Variants in BEND2 observed in about 807,000 individuals in gnomAD.
BEND2 encodes the protein BEN domain containing 2.
In BEND2, 19 loss-of-function variants were observed where a neutral mutation model predicts 43.8. The ratio of observed to expected loss-of-function variants is 0.43; its 90% CI spans 0.30 to 0.64. The LOEUF (loss-of-function observed/expected upper bound fraction) is 0.64, where lower values mean the gene tolerates loss of function less well. Among genes scored for constraint, BEND2 ranks in the 30% least tolerant of loss-of-function variants. The probability of loss-of-function intolerance (pLI) is 0.11; values close to 1 mark genes in which losing one functional copy is unlikely to be tolerated. For synonymous variants in BEND2, 226 were observed against 210.1 expected (o/e 1.08, Z -0.66); for missense variants, 544 against 574.0 (o/e 0.95, Z 0.53).
At chrX:18,213,001 G>A (rs1015335573) in intron 3 of BEND2, among the ~76,000 whole-genome samples, 2 of 111,344 alleles carry the variant, frequency 1.8e-5, no homozygotes, top group Non-Finnish European at 3.8e-5. Context: ...TTGTAAAGGA[G>A]CCCCCAAAAG....
At chrX:18,220,512 T>C (rs1925836629) in intron 1 of BEND2, among the ~76,000 whole-genome samples, 1 of 111,309 alleles carries the variant, frequency 9.0e-6, no homozygotes, top group Non-Finnish European at 1.9e-5. Context: ...ACCTGAACCC[T>C]GGGCCATCTC....
In BEND2 at chrX:18,176,069, G is replaced by T; in HGVS notation, c.1655C>A (p.Thr552Asn). 1 of 1,197,894 alleles carries T rather than the reference G, an allele frequency of 8.3e-7. No individual in the cohort carries two copies. The highest frequency in any genetic ancestry group is 1.9e-5 in the South Asian group (1 of 53,197). ...LREYLATTFP[T>N]CDLHEHGKDW... ...TTTTCCATGTTCATGCAAATCACAGGTGGGAAAAGTTGTTGCCAGATATTC... is the reference window on the plus strand; with the variant it reads ...TTTTCCATGTTCATGCAAATCACAGTTGGGAAAAGTTGTTGCCAGATATTC... Residue 552 changes from threonine to asparagine, a missense_variant, in exon 11 of 14, where the codon ACC becomes AAC. This residue lies in a region of BEND2 where 501 missense variants were observed against 501.6 expected (regional missense o/e 1.00). Coordinates refer to ENST00000380033, the MANE Select transcript of BEND2 (RefSeq NM_153346.5).
intron 4 of BEND2, among the ~76,000 whole-genome samples, chrX:18,204,155 TG>T (rs919256583): frequency 8.9e-6 from 1 of 112,462 alleles, no homozygotes; most frequent in African/African-American, 3.2e-5. Context: ...GGATAAATGC[TG>T]TACTTTGATT....
At position 18,220,866 on chromosome X, in the gene BEND2, A is replaced by C. The variant is rs1457981334; in HGVS notation, c.-116T>G. The C allele has an allele frequency of 1.2e-6, 1 of 856,280 alleles. No individual in the cohort carries two copies. The highest frequency in any genetic ancestry group is 1.6e-6 in the Non-Finnish European group (1 of 615,143). 70.6% of individuals were successfully genotyped at this position (856,280 alleles called of 1,213,427 possible). A position where few individuals can be genotyped will look rare whatever the true frequency, so the allele number is the denominator to read the frequency against. On this transcript the variant is annotated 5_prime_UTR_variant, in exon 1 of 14. Transcript: ENST00000380033. ...TGGTAACTGTGTGGTAACTGCGTAC[A>C]CTCGTTGTCCGAGGCACAATGAGGC...
Position 18,172,973 on chromosome X carries a change from GA to G in BEND2, c.1981+1056del, listed in dbSNP as rs1387163521. On this transcript the variant is annotated intron_variant, in intron 12 of 13. Coordinates refer to ENST00000380033, the MANE Select transcript of BEND2 (RefSeq NM_153346.5). ...TCATAATGTTTCAAAATGTTCACAG[GA>G]AAAAAAAACTGAAGGAAAATGAAAA... Among the ~76,000 whole-genome samples the G allele has an allele frequency of 2.7e-5, 3 of 109,105 alleles. No homozygotes were observed. In the Admixed American group the frequency reaches 2.9e-4, roughly 11 times the overall value. 94.7% of individuals were successfully genotyped at this position (109,105 alleles called of 115,157 possible). A position where few individuals can be genotyped will look rare whatever the true frequency, so the allele number is the denominator to read the frequency against.
chrX:18,177,065 C>CTTA (rs748619575), intron 10 of BEND2, among the ~76,000 whole-genome samples: 11 of 110,612 alleles, frequency 9.9e-5, no homozygotes, highest in African/African-American at 3.6e-4. Context: ...GGCAGAAACA[C>CTTA]TTATTCATTG....
rs201244726 is a variant in BEND2 at position 18,194,972 on chromosome X, A to AACACACAC, written c.1180+316_1180+323dup. ...TGTGGAATAAAGCTGCATAGTACTA[A>AACACACAC]ACACACACACACACACACACACACA... On this transcript the variant is annotated intron_variant, in intron 7 of 13. Coordinates refer to ENST00000380033, the MANE Select transcript of BEND2 (RefSeq NM_153346.5). 5.7e-3 allele frequency among the ~76,000 whole-genome samples: 562 copies of AACACACAC among 99,316 alleles called. 1 individual carries two copies. Among genetic ancestry groups the AACACACAC allele is most frequent in the African/African-American group, 0.019 (520 of 27,052 alleles). The allele number at this position is 99,316 out of a possible 115,157, so 86.2% of individuals were successfully genotyped here. A position where few individuals can be genotyped will look rare whatever the true frequency, so the allele number is the denominator to read the frequency against.
chrX:18,182,418 G>T (rs1441037010), intron 8 of BEND2, among the ~76,000 whole-genome samples: 1 of 111,368 alleles, frequency 9.0e-6, no homozygotes, highest in African/African-American at 3.3e-5. Flanking sequence ...AAATTTCTCA[G>T]TCTCAGGTAC....
At chrX:18,177,284 A>G (rs766333825) in intron 10 of BEND2, among the ~76,000 whole-genome samples, 76 of 79,201 alleles carry the variant, frequency 9.6e-4, no homozygotes, top group African/African-American at 3.7e-3. Flanking sequence ...TTTTTGTAGC[A>G]AGTTTCAGGG....
At chrX:18,188,842 T>C (rs768891422) in intron 8 of BEND2, among the ~76,000 whole-genome samples, 9 of 111,968 alleles carry the variant, frequency 8.0e-5, no homozygotes, top group Admixed American at 1.9e-4. Flanking sequence ...CACAGGCCAA[T>C]ATCTCTGATA....
chrX:18,219,379 C>T (rs890366999), intron 1 of BEND2, among the ~76,000 whole-genome samples: 8 of 112,800 alleles, frequency 7.1e-5, no homozygotes, highest in Non-Finnish European at 1.3e-4. Context: ...CACGCCTCGA[C>T]GGCCTCCCCC....
intron 6 of BEND2, among the ~76,000 whole-genome samples, chrX:18,196,298 AT>A (rs1924949679): frequency 9.3e-6 from 1 of 107,812 alleles, no homozygotes; most frequent in African/African-American, 3.4e-5. Flanking sequence ...GACTGTCTCA[AT>A]TGAAAAAAAA....
At chrX:18,197,733 T>C (rs1925003393) in intron 6 of BEND2, among the ~76,000 whole-genome samples, 1 of 111,627 alleles carries the variant, frequency 9.0e-6, no homozygotes, top group South Asian at 3.8e-4. Context: ...TTATACATAG[T>C]GAAATTCTCC....
At chrX:18,182,402 C>A (rs1439305073) in intron 8 of BEND2, among the ~76,000 whole-genome samples, 2 of 111,532 alleles carry the variant, frequency 1.8e-5, no homozygotes, top group African/African-American at 6.5e-5. Context: ...AACATCGTTT[C>A]TTCATAAATT....
chrX:18,168,915 T>A (rs1330320973), intron 13 of BEND2, among the ~76,000 whole-genome samples: 1 of 111,750 alleles, frequency 8.9e-6, no homozygotes, highest in Non-Finnish European at 1.9e-5. Context: ...AAACATAATG[T>A]TGAGTGATTT....
At chrX:18,175,933 C>G (rs1313186188) in intron 11 of BEND2, 39 bp downstream of exon 11, 2 of 1,144,530 alleles carry the variant, frequency 1.7e-6, no homozygotes. Context: ...AGTACAAACT[C>G]AGGTAACAGT....
At chrX:18,185,239 G>A (rs12395036) in intron 8 of BEND2, among the ~76,000 whole-genome samples, 24,845 of 109,009 alleles carry the variant, frequency 0.23, 2,390 homozygotes, top group African/African-American at 0.35. Flanking sequence ...AGTTTATTCA[G>A]AAAGATTGGC....
intron 6 of BEND2, among the ~76,000 whole-genome samples, chrX:18,199,007 A>T (rs1295619665): frequency 7.8e-4 from 72 of 92,559 alleles, no homozygotes; most frequent in African/African-American, 2.8e-3. Context: ...AACAATGAGA[A>T]CACATGGACA....
Position 18,212,610 on chromosome X carries a change from T to C in BEND2, c.447A>G (p.Ser149=), listed in dbSNP as rs1198146400. 5.0e-6 allele frequency: 6 copies of C among 1,209,931 alleles called. No individual in the cohort carries two copies. In the South Asian group the frequency reaches 8.8e-5, roughly 18 times the overall value. ...CTCTTTTTGGAAAATCCACTTCCTC[T>C]GAGTTGTAACTGTATCTTCTTAAAT... ...PVHLRRYSYN[S]EEVDFPKRGR... is the part of the protein sequence containing the mutation. The change falls in exon 4 of 14, where the codon TCA becomes TCG. Residue 149 remains serine, a synonymous_variant. Transcript: ENST00000380033.
Sources: gnomAD v4.1 joint callset for allele counts (sites outside exome capture counted in the v4.1 genomes callset) on GRCh38, gnomAD v4.1.1 for gene constraint, gnomAD v4.1.1 regional missense constraint, MANE v1.5 for transcripts, NCBI Gene and HGNC (gene_info 2026-07-23, HGNC 2026-07-21) for gene names.